FANCI: variants seen among roughly 807,000 people sequenced by gnomAD.
FANCI encodes the protein Fanconi anemia group I protein.
A neutral mutation model predicts 176.1 loss-of-function variants in FANCI; 156 were observed. The ratio of observed to expected loss-of-function variants is 0.89; its 90% CI spans 0.78 to 1.01. The LOEUF (loss-of-function observed/expected upper bound fraction) is 1.01, where lower values mean the gene tolerates loss of function less well. Ranked by LOEUF, FANCI falls within the 50% of genes least tolerant of loss-of-function variation. FANCI has a pLI of 0.00. For synonymous variants in FANCI, 613 were observed against 541.7 expected, an observed-to-expected ratio of 1.13 and a Z score of -1.83; for missense variants, 1,678 against 1,534.1, an observed-to-expected ratio of 1.09 and a Z score of -1.57.
At chr15:89,249,547 C>T (rs1371003620) in intron 2 of FANCI, among the ~76,000 whole-genome samples, 1 of 152,082 alleles carries the variant, frequency 6.6e-6, no homozygotes, top group Non-Finnish European at 1.5e-5. Context: ...GGGGTTTCGC[C>T]ATGCTTTCCA....
chr15:89,247,925 G>A (rs2052061753), intron 2 of FANCI, among the ~76,000 whole-genome samples, 194 bp downstream of exon 2: 1 of 152,184 alleles, frequency 6.6e-6, no homozygotes, highest in African/African-American at 2.4e-5. Flanking sequence ...TAGACTACTT[G>A]AGGGCATTTG....
intron 2 of FANCI, 34 bp from the exon 3 acceptor site, chr15:89,258,670 T>A (rs2052596509): frequency 6.5e-7 from 1 of 1,537,136 alleles, no homozygotes; most frequent in Non-Finnish European, 9.0e-7. Flanking sequence ...AAAAGACTGT[T>A]GCCAGAGACT....
At position 89,315,389 on chromosome 15, in the gene FANCI, G is replaced by C. The variant is rs760646851; in HGVS notation, c.3924G>C (p.Glu1308Asp). ...AGGATGGTGAAGATGAAAATGAAGA[G>C]GTCAGTGCTGGCTTCTGTCTGGAGC... ...LREDGEDENE[E>D]GTASEHGGQN... The change falls in exon 37 of 38, where the codon GAG (glutamate) becomes GAC (aspartate). Residue 1308 changes from glutamate (E) to aspartate (D), a missense_variant and splice_region_variant. By Grantham distance (45) the Glu-to-Asp change is conservative. Transcript: ENST00000310775. 8 of 1,595,852 alleles carry C rather than the reference G, an allele frequency of 5.0e-6. No homozygotes were observed. Among genetic ancestry groups the C allele is most frequent in the African/African-American group, 1.3e-5 (1 of 74,666 alleles).
At position 89,274,599 on chromosome 15, in the gene FANCI, C is replaced by CTTTTTTTTT. The variant is rs1157910630; in HGVS notation, c.1112+310_1112+318dup. On this transcript the variant is annotated intron_variant, in intron 12 of 37. Transcript: ENST00000310775. Reference sequence around the variant, plus strand: ...TCTCTATTTTCCTTTTCTTTCTTTCCTTTTTTTTTTTTTTTTTTTTTTTGA... The same window carrying CTTTTTTTTT: ...TCTCTATTTTCCTTTTCTTTCTTTCCTTTTTTTTTTTTTTTTTTTTTTTTTTTTTTTTGA... 6.9e-4 allele frequency among the ~76,000 whole-genome samples: 57 copies of CTTTTTTTTT among 82,836 alleles called. 1 individual carries two copies. The highest frequency in any genetic ancestry group is 7.9e-4 in the East Asian group (2 of 2,534). 54.3% of individuals were successfully genotyped at this position (82,836 alleles called of 152,430 possible). A position where few individuals can be genotyped will look rare whatever the true frequency, so the allele number is the denominator to read the frequency against.
At chr15:89,287,118 C>T (rs2053850602) in intron 18 of FANCI, among the ~76,000 whole-genome samples, 1 of 151,632 alleles carries the variant, frequency 6.6e-6, no homozygotes, top group South Asian at 2.1e-4. Flanking sequence ...GGACTATAGG[C>T]TCACGCCACC....
At chr15:89,254,026 C>G (rs552634042) in intron 2 of FANCI, among the ~76,000 whole-genome samples, 40 of 152,158 alleles carry the variant, frequency 2.6e-4, no homozygotes, top group African/African-American at 9.6e-4. Context: ...AACATGCATA[C>G]ATTTCCTGGC....
chr15:89,315,523 C>G (rs1327428588), intron 37 of FANCI, 134 bp downstream of exon 37: 2 of 704,762 alleles, frequency 2.8e-6, no homozygotes, highest in Non-Finnish European at 5.2e-6. Context: ...AAGATGAGAG[C>G]AAAGGACTCT....
At chr15:89,281,698 T>G (rs1467307207) in intron 15 of FANCI, 67 bp from the exon 16 acceptor site, 2 of 1,396,288 alleles carry the variant, frequency 1.4e-6, no homozygotes, top group African/African-American at 2.8e-5. Context: ...GGTAACAGTA[T>G]TGGGTAGAAA....
Position 89,301,344 on chromosome 15 carries a change from C to T in FANCI, c.2908C>T (p.Leu970Phe), listed in dbSNP as rs1039104642. ...TTCTCAGAGGTCCTTGTTGAATTTA[C>T]TTAGCAGTCAAGAGGAAGATTTTAA... The part of the protein sequence containing the change: ...RQFQRSLLNL[L>F]SSQEEDFNSK... Residue 970 changes from leucine to phenylalanine, a missense_variant, in exon 27 of 38, where the codon CTT becomes TTT. By Grantham distance (22) the Leu-to-Phe change is conservative. Transcript: ENST00000310775. The T allele has an allele frequency of 6.2e-7, 1 of 1,613,630 alleles. No homozygotes were observed. The highest frequency in any genetic ancestry group is 1.1e-5 in the South Asian group (1 of 91,066).
chr15:89,264,163 T>C (rs1336064113), intron 8 of FANCI, 137 bp downstream of exon 8: 10 of 960,284 alleles, frequency 1.0e-5, no homozygotes, highest in Middle Eastern at 2.7e-4. Flanking sequence ...TGAGCAAACA[T>C]AGCCGAACAT....
In FANCI at chr15:89,316,540, G is replaced by A; in HGVS notation, c.*81G>A. 1.4e-6 allele frequency: 2 copies of A among 1,398,846 alleles called. No individual in the cohort carries two copies. Among genetic ancestry groups the A allele is most frequent in the Non-Finnish European group, 2.0e-6 (2 of 1,003,616 alleles). 86.7% of individuals were successfully genotyped at this position (1,398,846 alleles called of 1,614,324 possible). On this transcript the variant is annotated 3_prime_UTR_variant, in exon 38 of 38. Coordinates refer to ENST00000310775, the MANE Select transcript of FANCI (RefSeq NM_001113378.2). ...AAGCAACAATGCCCCTTGTCCTGTA[G>A]TCCACACCGATGTTGGCATCTTGGT...
At chr15:89,297,856 A>G (rs1461635681) in intron 24 of FANCI, among the ~76,000 whole-genome samples, 1 of 151,708 alleles carries the variant, frequency 6.6e-6, no homozygotes, top group Non-Finnish European at 1.5e-5. Context: ...AGTGTTGCCC[A>G]GGCTGGCCTT....
chr15:89,268,816 G>C (rs1357643400), intron 10 of FANCI, among the ~76,000 whole-genome samples: 1 of 151,988 alleles, frequency 6.6e-6, no homozygotes, highest in Non-Finnish European at 1.5e-5. Context: ...AAAAAGGTGA[G>C]AACTATTCAG....
rs773917406 is a variant in FANCI at position 89,303,914 on chromosome 15, G to C, written c.3057G>C (p.Arg1019=). The C allele has an allele frequency of 6.2e-7, 1 of 1,613,862 alleles. No individual in the cohort carries two copies. Among genetic ancestry groups the C allele is most frequent in the Admixed American group, 1.7e-5 (1 of 60,026 alleles). ...CAAAGATTTGCAAGGAAAACAGCCGGGGTAAGTTTACTGCCATGTTTTCCT... is the reference window on the plus strand; with the variant it reads ...CAAAGATTTGCAAGGAAAACAGCCGCGGTAAGTTTACTGCCATGTTTTCCT... ...WTSKICKENS[R]EDALFCKSLM... is the part of the protein sequence containing the mutation. Residue 1019 remains arginine (R), a splice_region_variant and synonymous_variant, in exon 28 of 38, where the codon CGG becomes CGC. Coordinates refer to ENST00000310775, the MANE Select transcript of FANCI (RefSeq NM_001113378.2).
chr15:89,263,334 C>G, intron 6 of FANCI, 85 bp from the exon 7 acceptor site: 1 of 1,076,232 alleles, frequency 9.3e-7, no homozygotes, highest in Admixed American at 1.8e-5. Context: ...CTTGAATTGG[C>G]CCTGTTTTTT....
chr15:89,247,922 C>A (rs2052061509), intron 2 of FANCI, among the ~76,000 whole-genome samples, 191 bp downstream of exon 2: 1 of 152,190 alleles, frequency 6.6e-6, no homozygotes, highest in Non-Finnish European at 1.5e-5. Flanking sequence ...AAATAGACTA[C>A]TTGAGGGCAT....
chr15:89,305,325 CTCT>C lies in FANCI; in HGVS notation c.3187-11_3187-9del, dbSNP rs1567173913. 1 of 1,614,212 alleles carries C rather than the reference CTCT, an allele frequency of 6.2e-7. No individual in the cohort carries two copies. The highest frequency in any genetic ancestry group is 1.1e-5 in the South Asian group (1 of 91,078). ...ACCTTACTGTCATTAGGTCTCACCTCTCTTCTTTTCCCCAGGATGTAGAGGTGG... is the reference window on the plus strand; with the variant it reads ...ACCTTACTGTCATTAGGTCTCACCTCTCTTTTCCCCAGGATGTAGAGGTGG... On this transcript the variant is annotated splice_polypyrimidine_tract_variant and intron_variant, in intron 29 of 37. Transcript: ENST00000310775.
chr15:89,287,029 A>C (rs1220563949), intron 18 of FANCI, among the ~76,000 whole-genome samples: 1 of 124,434 alleles, frequency 8.0e-6, no homozygotes, highest in Non-Finnish European at 1.6e-5. Flanking sequence ...GCTGTAGTGC[A>C]GTGGCACAAT....
chr15:89,284,941 C>T (rs2053758076), intron 17 of FANCI, among the ~76,000 whole-genome samples, 155 bp from the exon 18 acceptor site: 1 of 152,180 alleles, frequency 6.6e-6, no homozygotes. Context: ...GTGACACTTA[C>T]TACTGCATGG....
Sources: gnomAD v4.1 joint callset for allele counts (sites outside exome capture counted in the v4.1 genomes callset) on GRCh38, gnomAD v4.1.1 for gene constraint, MANE v1.5 for transcripts, NCBI Gene and HGNC (gene_info 2026-07-23, HGNC 2026-07-21) for gene names.